CCDC127: variants seen among roughly 807,000 people sequenced by gnomAD.
The protein encoded by CCDC127 is coiled-coil domain containing 127.
Under a neutral mutation model 4.1 loss-of-function variants are expected in CCDC127, and 2 were observed. The observed-to-expected ratio is 0.49, with a 90% CI of 0.20 to 1.53. The LOEUF (loss-of-function observed/expected upper bound fraction) is 1.53, where lower values mean the gene tolerates loss of function less well. Among genes scored for constraint, CCDC127 ranks in the 40% most tolerant of loss-of-function variants. The pLI, the probability that CCDC127 is intolerant of heterozygous loss-of-function variation, is 0.23. For synonymous variants in CCDC127, 98 were observed against 120.4 expected (o/e 0.81, Z 1.22); for missense variants, 271 against 322.9 (o/e 0.84, Z 1.23).
At chr5:213,733 C>G (rs1734322693) in intron 2 of CCDC127, among the ~76,000 whole-genome samples, 1 of 152,250 alleles carries the variant, frequency 6.6e-6, no homozygotes, top group Admixed American at 6.5e-5. Flanking sequence ...CCGATCAGCT[C>G]TGCATTGCTG....
Position 202,907 on chromosome 5 carries a change from A to G in CCDC127, c.*2390T>C, listed in dbSNP as rs1734098935. The G allele has an allele frequency of 6.6e-6, 1 of 152,192 alleles. No homozygotes were observed. The highest frequency in any genetic ancestry group is 1.5e-5 in the Non-Finnish European group (1 of 68,050). The allele number at this position is 152,192 out of a possible 1,614,324, so 9.4% of individuals were successfully genotyped here. ...TGCATCAGGAAGTACAAACAACAAC[A>G]GGAAGAGTTTTGTCCAGATTTACCG... On this transcript the variant is annotated 3_prime_UTR_variant, in exon 3 of 3. Coordinates refer to ENST00000296824, the MANE Select transcript of CCDC127 (RefSeq NM_145265.3).
intron 2 of CCDC127, 64 bp from the exon 3 acceptor site, chr5:206,022 C>T (rs1403195862): frequency 1.4e-6 from 2 of 1,420,856 alleles, no homozygotes; most frequent in East Asian, 2.3e-5. Flanking sequence ...ATAATCCTCA[C>T]TTAAATCATA....
At chr5:215,530 T>A (rs1734363632) in intron 2 of CCDC127, 3 of 152,146 alleles carry the variant, frequency 2.0e-5, no homozygotes. Context: ...AACAGTAGCC[T>A]CTCCAAGTGT....
At chr5:211,346 T>C (rs1300844713) in intron 2 of CCDC127, among the ~76,000 whole-genome samples, 1 of 30,492 alleles carries the variant, frequency 3.3e-5, no homozygotes, top group East Asian at 9.4e-4. Context: ...CCCATCAGGA[T>C]GGGGCAGACG....
Position 205,483 on chromosome 5 carries a change from G to T in CCDC127, c.597C>A (p.Val199=). The T allele has an allele frequency of 1.2e-6, 2 of 1,614,020 alleles. No individual in the cohort carries two copies. Among genetic ancestry groups the T allele is most frequent in the Non-Finnish European group, 1.7e-6 (2 of 1,179,870 alleles). The change falls in exon 3 of 3, where the codon GTC becomes GTA. Residue 199 remains valine, a synonymous_variant. Coordinates refer to ENST00000296824, the MANE Select transcript of CCDC127 (RefSeq NM_145265.3). ...CGGCTGCCATCTCTAGGTCAGCGGC[G>T]ACGGGGTCGACGGACGCTCGCACCA... ...SLLVRASVDP[V]AADLEMAAGL...
intron 2 of CCDC127, among the ~76,000 whole-genome samples, chr5:207,572 C>T (rs749470073): frequency 5.3e-5 from 8 of 152,092 alleles, no homozygotes; most frequent in Non-Finnish European, 8.8e-5. Flanking sequence ...GCAAGGCAGG[C>T]GAGAGCATCG....
chr5:217,766 C>A (rs1014208402), intron 1 of CCDC127, among the ~76,000 whole-genome samples: 26 of 152,052 alleles, frequency 1.7e-4, no homozygotes, highest in Non-Finnish European at 2.9e-4. Flanking sequence ...TGGGGGCTAA[C>A]GTTAGTAAGA....
intron 2 of CCDC127, chr5:214,775 A>G (rs1252843593): frequency 6.6e-6 from 1 of 152,200 alleles, no homozygotes; most frequent in East Asian, 1.9e-4. Context: ...CACACCTGTA[A>G]CCCCAGCACT....
intron 2 of CCDC127, among the ~76,000 whole-genome samples, chr5:210,660 C>G (rs1471100796): frequency 1.4e-5 from 2 of 138,714 alleles, no homozygotes; most frequent in African/African-American, 6.1e-5. Flanking sequence ...AGTGTGAGCA[C>G]GCTGATGCTC....
rs368743725 is a variant in CCDC127 at position 205,291 on chromosome 5, CTT to C, written c.*4_*5del. 391 of 1,597,754 alleles carry C rather than the reference CTT, an allele frequency of 2.4e-4. No individual in the cohort carries two copies. The African/African-American group carries it at 3.1e-3, about 13-fold the overall frequency. On this transcript the variant is annotated 3_prime_UTR_variant, in exon 3 of 3. Transcript: ENST00000296824. ...TCACTAAAAGCAGTTTGATTTCACTCTTGTCTTACTTTTCTAGTATGGCTTCC... is the reference window on the plus strand; with the variant it reads ...TCACTAAAAGCAGTTTGATTTCACTCGTCTTACTTTTCTAGTATGGCTTCC...
Position 205,481 on chromosome 5 carries a change from G to A in CCDC127, c.599C>T (p.Ala200Val). Residue 200 changes from alanine (A) to valine (V), a missense_variant, in exon 3 of 3, where the codon GCC (alanine) becomes GTC (valine). This residue lies in a region of CCDC127 where 265 missense variants were observed against 270.9 expected (regional missense o/e 0.98). Transcript: ENST00000296824. ...ACCGGCTGCCATCTCTAGGTCAGCG[G>A]CGACGGGGTCGACGGACGCTCGCAC... ...LLVRASVDPV[A>V]ADLEMAAGLT... 3 of 1,614,068 alleles carry A rather than the reference G, an allele frequency of 1.9e-6. No homozygotes were observed. Among genetic ancestry groups the A allele is most frequent in the South Asian group, 1.1e-5 (1 of 91,080 alleles).
rs1296709263 is a variant in CCDC127, at chr5:202,353, G to A, written c.*2944C>T. The stretch of plus-strand genomic sequence containing the variant: ...TAATCCCAGCACTTTGGGAGGCTGA[G>A]GCAGGTGGATCACCTGAGATCAGAA... On this transcript the variant is annotated 3_prime_UTR_variant, in exon 3 of 3. Coordinates refer to ENST00000296824, the MANE Select transcript of CCDC127 (RefSeq NM_145265.3). 6.6e-6 allele frequency: 1 copy of A among 152,368 alleles called. No homozygotes were observed. Among genetic ancestry groups the A allele is most frequent in the Non-Finnish European group, 1.5e-5 (1 of 68,132 alleles). The allele number at this position is 152,368 out of a possible 1,614,324, so 9.4% of individuals were successfully genotyped here.
chr5:205,135 G>A lies in CCDC127; in HGVS notation c.*162C>T, dbSNP rs7720369. The A allele has an allele frequency of 4.4e-3, 2,755 of 620,326 alleles. 48 individuals carry two copies. Among genetic ancestry groups the A allele is most frequent in the African/African-American group, 0.043 (2,361 of 54,630 alleles). 38.4% of individuals were successfully genotyped at this position (620,326 alleles called of 1,614,324 possible). A position where few individuals can be genotyped will look rare whatever the true frequency, so the allele number is the denominator to read the frequency against. On this transcript the variant is annotated 3_prime_UTR_variant, in exon 3 of 3. Transcript: ENST00000296824. ...GGAGACCCTCTGTCTCTGAGGCTTC[G>A]GTGCACTTCTGCTCAGACGGTGGCG...
rs1244691451 is a variant in CCDC127 at position 197,765 on chromosome 5, T to G, written c.*7532A>C. On this transcript the variant is annotated 3_prime_UTR_variant, in exon 3 of 3. Transcript: ENST00000296824. ...CTACATAGACACAGTGACAGTCTGATCTCTCTTTTCCCTACACCGCTGCCC... is the reference window on the plus strand; with the variant it reads ...CTACATAGACACAGTGACAGTCTGAGCTCTCTTTTCCCTACACCGCTGCCC... 6.9e-6 allele frequency: 1 copy of G among 145,758 alleles called. No individual in the cohort carries two copies. Among genetic ancestry groups the G allele is most frequent in the Non-Finnish European group, 1.5e-5 (1 of 66,124 alleles). 9.0% of individuals were successfully genotyped at this position (145,758 alleles called of 1,614,324 possible). A position where few individuals can be genotyped will look rare whatever the true frequency, so the allele number is the denominator to read the frequency against.
At chr5:209,787 G>A (rs1411320803) in intron 2 of CCDC127, among the ~76,000 whole-genome samples, 1 of 152,242 alleles carries the variant, frequency 6.6e-6, no homozygotes, top group African/African-American at 2.4e-5. Flanking sequence ...CGTGGGGATT[G>A]CTCCAGAGAC....
chr5:217,756 T>C (rs895706795), intron 1 of CCDC127, among the ~76,000 whole-genome samples: 1 of 152,010 alleles, frequency 6.6e-6, no homozygotes, highest in African/African-American at 2.4e-5. Context: ...ATAGCTAGGC[T>C]GGGGGCTAAC....
intron 2 of CCDC127, chr5:214,538 G>C (rs1734341579): frequency 6.6e-6 from 1 of 152,200 alleles, no homozygotes; most frequent in African/African-American, 2.4e-5. Flanking sequence ...AGAGAGAGAT[G>C]GGGAAAGGGC....
rs73730749 is a variant in CCDC127 at position 199,178 on chromosome 5, G to A, written c.*6119C>T. The A allele has an allele frequency of 0.019, 2,975 of 152,666 alleles. 85 individuals carry two copies. Among genetic ancestry groups the A allele is most frequent in the African/African-American group, 0.067 (2,804 of 41,564 alleles). 9.5% of individuals were successfully genotyped at this position (152,666 alleles called of 1,614,324 possible). ...ACCATCCTGGCAAGGAGTGGGGGCC[G>A]TTTTAGGGGCTCCAACTCAAGTCCT... On this transcript the variant is annotated 3_prime_UTR_variant, in exon 3 of 3. Coordinates refer to ENST00000296824, the MANE Select transcript of CCDC127 (RefSeq NM_145265.3).
intron 2 of CCDC127, among the ~76,000 whole-genome samples, chr5:213,506 G>A (rs1477932031): frequency 2.3e-5 from 3 of 133,044 alleles, no homozygotes; most frequent in African/African-American, 9.4e-5. Flanking sequence ...GGGCAGACGG[G>A]ACAGCAGTGT....
Sources: allele counts gnomAD v4.1 joint callset (sites outside exome capture counted in the v4.1 genomes callset), GRCh38; gene constraint gnomAD v4.1.1; regional missense constraint gnomAD v4.1.1; transcripts MANE v1.5; gene names NCBI Gene and HGNC (gene_info 2026-07-23, HGNC 2026-07-21).